The following ZBTB48 variants were observed in gnomAD, a reference collection of about 807,000 sequenced individuals.
ZBTB48 encodes zinc finger and BTB domain containing 48, also known as zinc finger and BTB domain-containing protein 48.
Under a neutral mutation model 64.5 loss-of-function variants are expected in ZBTB48, and 35 were observed. That is an observed-to-expected ratio of 0.54 (90% CI 0.41 to 0.72). The LOEUF is 0.72. Ranked by LOEUF, ZBTB48 falls within the 30% of genes least tolerant of loss-of-function variation. The probability of loss-of-function intolerance (pLI) is 0.00; values close to 1 mark genes in which losing one functional copy is unlikely to be tolerated. For missense variants in ZBTB48, 828 were observed against 895.3 expected, an observed-to-expected ratio of 0.92 and a Z score of 0.96; for synonymous variants, 442 against 356.7, an observed-to-expected ratio of 1.24 and a Z score of -2.70.
chr1:6,580,916 C>A lies in ZBTB48; in HGVS notation c.307C>A (p.Arg103=), dbSNP rs201902452. Residue 103 remains arginine, a synonymous_variant, in exon 2 of 11, where the codon CGA becomes AGA. Transcript: ENST00000377674. The surrounding 1 kb of genome is among the most constrained non-coding windows in gnomAD (Gnocchi z 5.2). Reference sequence around the variant, plus strand: ...GGTGCTCCTGGCAGCCAGGGAGTTGCGAGTGCCAGAGGCCGTAGAGCTGTG... The same window carrying A: ...GGTGCTCCTGGCAGCCAGGGAGTTGAGAGTGCCAGAGGCCGTAGAGCTGTG... ...DQVLLAAREL[R]VPEAVELCQS... The A allele has an allele frequency of 1.9e-6, 3 of 1,614,036 alleles. No individual in the cohort carries two copies. Among genetic ancestry groups the A allele is most frequent in the Non-Finnish European group, 8.5e-7 (1 of 1,180,032 alleles).
intron 4 of ZBTB48, chr1:6,586,397 C>T (rs1318486952): frequency 1.9e-6 from 1 of 527,830 alleles, no homozygotes; most frequent in Non-Finnish European, 3.2e-6. Context: ...CCCGCCGAAA[C>T]CCAGGCCCAC....
chr1:6,587,186 CTG>C lies in ZBTB48; in HGVS notation c.1138-16_1138-15del, dbSNP rs1199747138. On this transcript the variant is annotated splice_polypyrimidine_tract_variant and intron_variant, in intron 5 of 10. Transcript: ENST00000377674. Reference sequence around the variant, plus strand: ...TGGGTGCAGGCCGCCCTGGAGGTGACTGTGGGCCTCTTTTTCAGTGTTCCTCC... The same window carrying C: ...TGGGTGCAGGCCGCCCTGGAGGTGACTGGGCCTCTTTTTCAGTGTTCCTCC... The C allele has an allele frequency of 1.2e-6, 2 of 1,613,706 alleles. No individual in the cohort carries two copies. The highest frequency in any genetic ancestry group is 1.7e-6 in the Non-Finnish European group (2 of 1,179,960).
chr1:6,586,169 T>A, intron 4 of ZBTB48, 139 bp downstream of exon 4: 1 of 814,338 alleles, frequency 1.2e-6, no homozygotes, highest in Admixed American at 2.1e-5. Flanking sequence ...TTGGATGTCA[T>A]GAGGTCCATG....
At position 6,581,314 on chromosome 1, in the gene ZBTB48, G is replaced by T. The variant is rs762466479; in HGVS notation, c.690+15G>T. ...GCAGTAATGAGGTACTGTGCCCAGG[G>T]TGTTGGGACTGGGGAGACAAATAGA... On this transcript the variant is annotated intron_variant, in intron 2 of 10. Coordinates refer to ENST00000377674, the MANE Select transcript of ZBTB48 (RefSeq NM_005341.4). The T allele has an allele frequency of 6.3e-7, 1 of 1,575,846 alleles. No homozygotes were observed.
Position 6,580,648 on chromosome 1 carries a change from G to A in ZBTB48, c.39G>A (p.Leu13=). The part of the protein sequence containing the change: ...GSFVQHSVRV[L]QELNKQREKG... ...TCGTCCAGCACAGTGTGAGGGTTCTGCAGGAGCTCAACAAGCAGCGGGAGA... is the reference window on the plus strand; with the variant it reads ...TCGTCCAGCACAGTGTGAGGGTTCTACAGGAGCTCAACAAGCAGCGGGAGA... Residue 13 remains leucine (L), a synonymous_variant, in exon 2 of 11, where the codon CTG becomes CTA. Transcript: ENST00000377674. This position sits in a 1 kb window ranked among gnomAD's most constrained non-coding sequence, Gnocchi z 5.2. 6.2e-7 allele frequency: 1 copy of A among 1,614,022 alleles called. No individual in the cohort carries two copies. Among genetic ancestry groups the A allele is most frequent in the South Asian group, 1.1e-5 (1 of 91,082 alleles).
intron 9 of ZBTB48, 141 bp downstream of exon 9, chr1:6,588,583 G>C: frequency 6.9e-7 from 1 of 1,442,730 alleles, no homozygotes; most frequent in Non-Finnish European, 9.2e-7. Flanking sequence ...TTTGAAGGCA[G>C]GGGTGTCCTG....
intron 4 of ZBTB48, 145 bp from the exon 5 acceptor site, chr1:6,586,550 G>A (rs573448354): frequency 2.1e-6 from 3 of 1,418,198 alleles, no homozygotes; most frequent in Non-Finnish European, 1.8e-6. Flanking sequence ...GGCCAGGCAG[G>A]TTATGTGTTG....
In ZBTB48 at chr1:6,580,748, T is replaced by G. The variant is rs1228505909; in HGVS notation, c.139T>G (p.Cys47Gly). 1 of 1,614,234 alleles carries G rather than the reference T, an allele frequency of 6.2e-7. No homozygotes were observed. The change falls in exon 2 of 11, where the codon TGC (cysteine) becomes GGC (glycine). Residue 47 changes from cysteine to glycine, a missense_variant. By Grantham distance (159) the Cys-to-Gly change is radical (BLOSUM62 -3). Transcript: ENST00000377674. This position sits in a 1 kb window ranked among gnomAD's most constrained non-coding sequence, Gnocchi z 5.2. Reference sequence around the variant, plus strand: ...GGCACACTGGAGTGTCCTTGCCTGCTGCAGTCACTTTTTCCAGAGCCTCTA... The same window carrying G: ...GGCACACTGGAGTGTCCTTGCCTGCGGCAGTCACTTTTTCCAGAGCCTCTA... ...FKAHWSVLAC[C>G]SHFFQSLYGD...
At chr1:6,585,807 G>A (rs6682920) in intron 3 of ZBTB48, 112 bp from the exon 4 acceptor site, 326,119 of 977,854 alleles carry the variant, frequency 0.33, 55,790 homozygotes, top group South Asian at 0.44. Context: ...TTAACCAGCC[G>A]GTGTCACCTG....
Position 6,587,456 on chromosome 1 carries a change from TGCCTGCCTG to T in ZBTB48, c.1225-20_1225-12del. 1 of 1,613,484 alleles carries T rather than the reference TGCCTGCCTG, an allele frequency of 6.2e-7. No homozygotes were observed. ...TCACCCTGGCCCTGGTCCCTCCCTC[TGCCTGCCTG>T]GTCTGCCTGCAGTGCCCCACCTGTG... On this transcript the variant is annotated splice_polypyrimidine_tract_variant and intron_variant, in intron 6 of 10. Transcript: ENST00000377674.
chr1:6,588,561 G>C, intron 9 of ZBTB48, 119 bp downstream of exon 9: 1 of 1,448,168 alleles, frequency 6.9e-7, no homozygotes, highest in African/African-American at 1.4e-5. Context: ...TTAGAGTTGA[G>C]AGTGGACCTG....
rs151110060 is a variant in ZBTB48, at chr1:6,588,404, G to A, written c.1643G>A (p.Arg548Gln). The A allele has an allele frequency of 8.5e-5, 134 of 1,573,674 alleles. 1 individual carries two copies. The highest frequency in any genetic ancestry group is 6.4e-4 in the African/African-American group (47 of 73,746). The part of the protein sequence containing the change: ...RHVASRHQEG[R>Q]PHFCQICGKT... ...GTGGCCAGCCGCCATCAGGAGGGCC[G>A]GCCCCACTTCTGCCAGATATGCGGC... The change falls in exon 9 of 11, where the codon CGG (arginine) becomes CAG (glutamine). Residue 548 changes from arginine (R) to glutamine (Q), a missense_variant. Physicochemically the swap from Arg to Gln is conservative, Grantham distance 43 (BLOSUM62 1). Transcript: ENST00000377674.
chr1:6,586,885 G>GC, intron 5 of ZBTB48, 98 bp downstream of exon 5: 2 of 1,388,472 alleles, frequency 1.4e-6, no homozygotes, highest in Non-Finnish European at 2.0e-6. Context: ...CTCCCTCACA[G>GC]TAGCTGTCAG....
chr1:6,586,616 G>T, intron 4 of ZBTB48, 79 bp from the exon 5 acceptor site: 1 of 1,309,626 alleles, frequency 7.6e-7, no homozygotes. Flanking sequence ...CCAGCAGCAA[G>T]CGGAAGCCCG....
chr1:6,582,339 ATTCCCACGTTGGGGGAGGGGTCCTGCAC>A, intron 3 of ZBTB48, 40 bp downstream of exon 3: 1 of 1,593,754 alleles, frequency 6.3e-7, no homozygotes. Context: ...CCTGTCTGCC[ATTCCCACGTTGGGGGAGGGGTCCTGCAC>A]TTCCCACTTC....
chr1:6,587,883 C>T (rs1423146369), intron 7 of ZBTB48, among the ~76,000 whole-genome samples, 177 bp from the exon 8 acceptor site: 1 of 152,140 alleles, frequency 6.6e-6, no homozygotes, highest in Non-Finnish European at 1.5e-5. Flanking sequence ...TTCTGAGCTT[C>T]CTTAGTTTCC....
Position 6,586,804 on chromosome 1 carries a change from CTCCAGGGCCAGGGT to C in ZBTB48, c.1137+19_1137+32del. ...CCCTACAAGGTCAGGCTTGGCCTGT[CTCCAGGGCCAGGGT>C]TGGGTGGCCCCAGGATCCTTCCTGC... On this transcript the variant is annotated intron_variant, in intron 5 of 10. Coordinates refer to ENST00000377674, the MANE Select transcript of ZBTB48 (RefSeq NM_005341.4). 1.2e-6 allele frequency: 2 copies of C among 1,606,242 alleles called. No individual in the cohort carries two copies. The highest frequency in any genetic ancestry group is 1.7e-6 in the Non-Finnish European group (2 of 1,176,698).
chr1:6,588,516 T>C, intron 9 of ZBTB48, 74 bp downstream of exon 9: 1 of 1,453,072 alleles, frequency 6.9e-7, no homozygotes, highest in Non-Finnish European at 9.1e-7. Context: ...AAACGCTCCT[T>C]TCTTGCCTGT....
At chr1:6,588,023 T>C (rs760733706) in intron 7 of ZBTB48, 37 bp from the exon 8 acceptor site, 1 of 1,612,196 alleles carries the variant, frequency 6.2e-7, no homozygotes, top group East Asian at 2.2e-5. Context: ...TCACTTCCCT[T>C]GGTGATGGCC....
Sources: allele counts gnomAD v4.1 joint callset (sites outside exome capture counted in the v4.1 genomes callset), GRCh38; gene constraint gnomAD v4.1.1; non-coding constraint Gnocchi (gnomAD v3.1); transcripts MANE v1.5; gene names NCBI Gene and HGNC (gene_info 2026-07-23, HGNC 2026-07-21).